The following PLD1 variants were observed in gnomAD, a reference collection of about 807,000 sequenced individuals.
PLD1 encodes the protein phospholipase D1.
Under a neutral mutation model 137.1 loss-of-function variants are expected in PLD1, and 112 were observed. The ratio of observed to expected loss-of-function variants is 0.82; its 90% CI spans 0.70 to 0.96. The LOEUF (loss-of-function observed/expected upper bound fraction) is 0.96, where lower values mean the gene tolerates loss of function less well. Ranked by LOEUF, PLD1 falls within the 40% of genes least tolerant of loss-of-function variation. The pLI is 0.00. For synonymous variants in PLD1, 431 were observed against 454.7 expected, an observed-to-expected ratio of 0.95 and a Z score of 0.66; for missense variants, 1,321 against 1,342.0, an observed-to-expected ratio of 0.98 and a Z score of 0.24.
chr3:171,637,078 T>C (rs1735191063), intron 23 of PLD1, among the ~76,000 whole-genome samples: 1 of 152,252 alleles, frequency 6.6e-6, no homozygotes, highest in African/African-American at 2.4e-5. Flanking sequence ...TTACACTGAC[T>C]GATTTTCAGA....
At chr3:171,606,391 G>C (rs1342060592) in intron 25 of PLD1, among the ~76,000 whole-genome samples, 3 of 152,180 alleles carry the variant, frequency 2.0e-5, no homozygotes, top group Non-Finnish European at 4.4e-5. Flanking sequence ...ACTGGGGTTT[G>C]GGAGAGAAGG....
chr3:171,661,086 A>G (rs370519609), intron 20 of PLD1, among the ~76,000 whole-genome samples: 5 of 152,168 alleles, frequency 3.3e-5, no homozygotes, highest in Admixed American at 6.5e-5. Flanking sequence ...CTAATGTCCT[A>G]TATCTATTCC....
intron 24 of PLD1, among the ~76,000 whole-genome samples, chr3:171,618,830 T>G (rs1471624928): frequency 1.4e-5 from 2 of 139,484 alleles, no homozygotes; most frequent in African/African-American, 2.8e-5. Context: ...TATTTTAATG[T>G]GCTATACAAA....
In PLD1 at chr3:171,601,818, T is replaced by C. The variant is rs1321068112; in HGVS notation, c.*1260A>G. 6.6e-6 allele frequency: 1 copy of C among 152,220 alleles called. No individual in the cohort carries two copies. Among genetic ancestry groups the C allele is most frequent in the Non-Finnish European group, 1.5e-5 (1 of 68,044 alleles). The allele number at this position is 152,220 out of a possible 1,614,324, so 9.4% of individuals were successfully genotyped here. On this transcript the variant is annotated 3_prime_UTR_variant, in exon 27 of 27. Transcript: ENST00000351298. ...TTAGCTCTTTAGACTGTCAGAGTTGTTCAGCTTAGTAAAATTTAGTTTATC... is the reference window on the plus strand; with the variant it reads ...TTAGCTCTTTAGACTGTCAGAGTTGCTCAGCTTAGTAAAATTTAGTTTATC...
intron 1 of PLD1, among the ~76,000 whole-genome samples, chr3:171,804,277 G>T (rs1386551433): frequency 6.6e-6 from 1 of 152,174 alleles, no homozygotes; most frequent in African/African-American, 2.4e-5. Context: ...TCAATGAAGT[G>T]AGTACAGCTG....
At chr3:171,639,159 A>G (rs1299375262) in intron 23 of PLD1, among the ~76,000 whole-genome samples, 1 of 146,566 alleles carries the variant, frequency 6.8e-6, no homozygotes, top group Non-Finnish European at 1.5e-5. Context: ...TATGAAAGAT[A>G]GATATATAAA....
At chr3:171,603,718 CT>C (rs1057305433) in intron 26 of PLD1, among the ~76,000 whole-genome samples, 3 of 152,146 alleles carry the variant, frequency 2.0e-5, no homozygotes, top group Non-Finnish European at 4.4e-5. Context: ...GTAACACTTA[CT>C]TTGCTGGTTG....
Position 171,601,737 on chromosome 3 carries a change from T to C in PLD1, c.*1341A>G, listed in dbSNP as rs1016638239. 1.8e-4 allele frequency: 28 copies of C among 152,316 alleles called. No homozygotes were observed. The highest frequency in any genetic ancestry group is 6.3e-4 in the African/African-American group (26 of 41,564). 9.4% of individuals were successfully genotyped at this position (152,316 alleles called of 1,614,324 possible). A position where few individuals can be genotyped will look rare whatever the true frequency, so the allele number is the denominator to read the frequency against. On this transcript the variant is annotated 3_prime_UTR_variant, in exon 27 of 27. Coordinates refer to ENST00000351298, the MANE Select transcript of PLD1 (RefSeq NM_002662.5). ...TATGTCCAGGTAATCCATAGACATGTATAATCATTACACCTGCATTTTGTT... is the reference window on the plus strand; with the variant it reads ...TATGTCCAGGTAATCCATAGACATGCATAATCATTACACCTGCATTTTGTT...
intron 1 of PLD1, among the ~76,000 whole-genome samples, chr3:171,746,685 A>C (rs1720213405): frequency 1.3e-5 from 2 of 152,098 alleles, no homozygotes; most frequent in African/African-American, 4.8e-5. Context: ...ACCAATCAGC[A>C]CTCTGTGTCT....
In PLD1 at chr3:171,766,901, G is replaced by A. The variant is rs370026179; in HGVS notation, c.-31-28819C>T. On this transcript the variant is annotated intron_variant, in intron 1 of 26. Transcript: ENST00000351298. ...AAGGTTCTAAACTTATTTGTAACACGTTTAAATTTTAGCCAAATTGGGTAG... is the reference window on the plus strand; with the variant it reads ...AAGGTTCTAAACTTATTTGTAACACATTTAAATTTTAGCCAAATTGGGTAG... Among the ~76,000 whole-genome samples, 34 of 152,116 alleles carry A rather than the reference G, an allele frequency of 2.2e-4. No individual in the cohort carries two copies. In the South Asian group the frequency reaches 3.3e-3, roughly 15 times the overall value.
chr3:171,754,734 G>A (rs1003249657), intron 1 of PLD1, among the ~76,000 whole-genome samples: 10 of 152,174 alleles, frequency 6.6e-5, no homozygotes, highest in African/African-American at 2.2e-4. Context: ...TCTCCAGTGT[G>A]ATGGATGAAC....
chr3:171,731,383 A>G (rs1374657764), intron 6 of PLD1, among the ~76,000 whole-genome samples: 1 of 152,226 alleles, frequency 6.6e-6, no homozygotes, highest in Non-Finnish European at 1.5e-5. Context: ...GACTACATTT[A>G]AAGAAAAAGA....
chr3:171,716,887 A>T (rs763630058), intron 8 of PLD1, among the ~76,000 whole-genome samples: 7 of 151,890 alleles, frequency 4.6e-5, no homozygotes, highest in Non-Finnish European at 8.8e-5. Flanking sequence ...TTTTACATTT[A>T]AGTTTCTAAG....
intron 18 of PLD1, 127 bp downstream of exon 18, chr3:171,676,588 A>G: frequency 1.3e-6 from 1 of 742,686 alleles, no homozygotes; most frequent in Non-Finnish European, 2.3e-6. Flanking sequence ...AATGCAGCCA[A>G]CAGCAGAGCA....
intron 8 of PLD1, among the ~76,000 whole-genome samples, chr3:171,718,786 T>C (rs914524426): frequency 2.0e-5 from 3 of 152,062 alleles, no homozygotes; most frequent in Admixed American, 6.5e-5. Flanking sequence ...ATAAGACATA[T>C]AACATGAGGA....
intron 19 of PLD1, among the ~76,000 whole-genome samples, chr3:171,672,654 AT>A (rs1712902668): frequency 6.6e-6 from 1 of 151,762 alleles, no homozygotes; most frequent in Admixed American, 6.6e-5. Context: ...TGCCTGGCTA[AT>A]TTTTTAAGAA....
intron 1 of PLD1, among the ~76,000 whole-genome samples, chr3:171,763,221 C>T (rs1721524213): frequency 6.6e-6 from 1 of 151,686 alleles, no homozygotes; most frequent in East Asian, 1.9e-4. Context: ...GGCATTATTC[C>T]CTCAACTCAC....
intron 1 of PLD1, chr3:171,792,689 G>C (rs980234837): frequency 2.2e-6 from 1 of 456,526 alleles, no homozygotes; most frequent in Non-Finnish European, 4.4e-6. Context: ...GTAAATTTAG[G>C]CTCCTGGTGA....
intron 1 of PLD1, among the ~76,000 whole-genome samples, chr3:171,810,148 C>T (rs1467243564): frequency 1.3e-5 from 2 of 152,224 alleles, no homozygotes; most frequent in Non-Finnish European, 2.9e-5. Flanking sequence ...TCCAGGCAGC[C>T]GCCCGCGCGG....
Sources: gnomAD v4.1 joint callset for allele counts (sites outside exome capture counted in the v4.1 genomes callset) on GRCh38, gnomAD v4.1.1 for gene constraint, MANE v1.5 for transcripts, NCBI Gene and HGNC (gene_info 2026-07-23, HGNC 2026-07-21) for gene names.